MARK2: variants seen among roughly 807,000 people sequenced by gnomAD.
MARK2 encodes the protein serine/threonine-protein kinase MARK2.
In MARK2, 16 loss-of-function variants were observed where a neutral mutation model predicts 89.8. The observed-to-expected ratio is 0.18, with a 90% CI of 0.12 to 0.27. The LOEUF (loss-of-function observed/expected upper bound fraction) is 0.27, where lower values mean the gene tolerates loss of function less well. Among genes scored for constraint, MARK2 ranks in the 10% least tolerant of loss-of-function variants. The pLI, the probability that MARK2 is intolerant of heterozygous loss-of-function variation, is 1.00. For synonymous variants in MARK2, 382 were observed against 399.5 expected, an observed-to-expected ratio of 0.96 and a Z score of 0.52; for missense variants, 621 against 1,049.9, an observed-to-expected ratio of 0.59 and a Z score of 5.65.
chr11:63,907,043 C>T (rs1184442788), intron 17 of MARK2, among the ~76,000 whole-genome samples: 1 of 152,108 alleles, frequency 6.6e-6, no homozygotes, highest in Non-Finnish European at 1.5e-5. Flanking sequence ...GCTCTTTCAC[C>T]CCTGGCCTTA....
chr11:63,847,064 A>G (rs2016322990), intron 1 of MARK2, among the ~76,000 whole-genome samples: 4 of 152,218 alleles, frequency 2.6e-5, no homozygotes, highest in Non-Finnish European at 5.9e-5. Context: ...TTGAGGCTGC[A>G]GTGAGCTGTG....
At chr11:63,893,514 G>T (rs1940093665) in intron 1 of MARK2, among the ~76,000 whole-genome samples, 1 of 151,702 alleles carries the variant, frequency 6.6e-6, no homozygotes, top group Non-Finnish European at 1.5e-5. Context: ...TGTGAACCTT[G>T]GTTACAGGTT....
chr11:63,883,664 C>T (rs986503718), intron 1 of MARK2, among the ~76,000 whole-genome samples: 1 of 152,088 alleles, frequency 6.6e-6, no homozygotes, highest in Non-Finnish European at 1.5e-5. Flanking sequence ...ACTGCAGCCT[C>T]AGCCTACCTC....
intron 3 of MARK2, among the ~76,000 whole-genome samples, chr11:63,897,984 G>A (rs1484959199): frequency 6.6e-6 from 1 of 152,178 alleles, no homozygotes; most frequent in Non-Finnish European, 1.5e-5. Context: ...TTTGGTAGAC[G>A]CAGCAGAGGG....
At chr11:63,908,401 C>G (rs1224705483) in intron 18 of MARK2, 97 bp downstream of exon 18, 2 of 1,046,310 alleles carry the variant, frequency 1.9e-6, no homozygotes, top group African/African-American at 3.2e-5. Flanking sequence ...CTCTTCCTCC[C>G]GTGGTTCTGC....
chr11:63,861,236 C>A (rs994395083), intron 1 of MARK2, among the ~76,000 whole-genome samples: 2 of 152,078 alleles, frequency 1.3e-5, no homozygotes, highest in East Asian at 3.9e-4. Flanking sequence ...GAGTTCAAGA[C>A]CAGCCTGGCC....
intron 11 of MARK2, among the ~76,000 whole-genome samples, chr11:63,901,274 G>A (rs1053595580): frequency 3.3e-5 from 5 of 152,122 alleles, no homozygotes; most frequent in African/African-American, 9.7e-5. Flanking sequence ...TGGTAGGGTC[G>A]GTGTGGGACT....
At chr11:63,842,103 T>G (rs1185529136) in intron 1 of MARK2, among the ~76,000 whole-genome samples, 1 of 152,212 alleles carries the variant, frequency 6.6e-6, no homozygotes, top group Non-Finnish European at 1.5e-5. Flanking sequence ...TACCTTCTAC[T>G]GTTGTTCTCA....
rs1371767519 is a variant in MARK2, at chr11:63,909,282, GGCTGCCGGCC to G, written c.*51_*60del. 6.6e-7 allele frequency: 1 copy of G among 1,511,712 alleles called. No homozygotes were observed. The highest frequency in any genetic ancestry group is 8.9e-7 in the Non-Finnish European group (1 of 1,126,824). 93.6% of individuals were successfully genotyped at this position (1,511,712 alleles called of 1,614,324 possible). A position where few individuals can be genotyped will look rare whatever the true frequency, so the allele number is the denominator to read the frequency against. ...GCGGCGGGGGCGGGCCAGCTGGACG[GGCTGCCGGCC>G]GCTGCGCCGCCCCACCTGGGCGAGA... On this transcript the variant is annotated 3_prime_UTR_variant, in exon 19 of 19. Transcript: ENST00000402010.
intron 1 of MARK2, among the ~76,000 whole-genome samples, chr11:63,874,162 G>A (rs1048426856): frequency 6.6e-6 from 1 of 152,160 alleles, no homozygotes; most frequent in South Asian, 2.1e-4. Flanking sequence ...TTGACCCTCT[G>A]GTTAGAGAGG....
chr11:63,865,857 T>C (rs954487717), intron 1 of MARK2, among the ~76,000 whole-genome samples: 1 of 152,170 alleles, frequency 6.6e-6, no homozygotes, highest in Non-Finnish European at 1.5e-5. Flanking sequence ...GATTTCCCTT[T>C]ATTAAGCTCA....
chr11:63,849,811 T>G (rs2016474920), intron 1 of MARK2, among the ~76,000 whole-genome samples: 1 of 152,188 alleles, frequency 6.6e-6, no homozygotes, highest in South Asian at 2.1e-4. Context: ...TCCTGGATCA[T>G]CCTCTCCTGT....
At chr11:63,863,084 G>A (rs779267818) in intron 1 of MARK2, among the ~76,000 whole-genome samples, 1 of 152,184 alleles carries the variant, frequency 6.6e-6, no homozygotes, top group Non-Finnish European at 1.5e-5. Context: ...GGACTTGCCA[G>A]TTCAGTCCTG....
At chr11:63,863,449 AC>A (rs1425804477) in intron 1 of MARK2, among the ~76,000 whole-genome samples, 9 of 49,272 alleles carry the variant, frequency 1.8e-4, no homozygotes, top group East Asian at 1.0e-3. Context: ...GCCCTCCCCC[AC>A]CCCCCCACCC....
At chr11:63,851,665 C>T (rs951782539) in intron 1 of MARK2, among the ~76,000 whole-genome samples, 2 of 152,120 alleles carry the variant, frequency 1.3e-5, no homozygotes, top group East Asian at 1.9e-4. Flanking sequence ...TTTTGATCTC[C>T]GTCTGAGATC....
chr11:63,885,991 T>C (rs1017544093), intron 1 of MARK2, among the ~76,000 whole-genome samples: 2 of 151,714 alleles, frequency 1.3e-5, no homozygotes, highest in Non-Finnish European at 2.9e-5. Flanking sequence ...TAGCTGAGTG[T>C]GGTGGCGGGC....
chr11:63,879,823 C>A (rs1285519024), intron 1 of MARK2, among the ~76,000 whole-genome samples: 1 of 152,094 alleles, frequency 6.6e-6, no homozygotes, highest in Admixed American at 6.6e-5. Context: ...CAAACTTTGT[C>A]CCAGTATTTT....
rs766475126 is a variant in MARK2 at position 63,898,806 on chromosome 11, A to G, written c.447A>G (p.Glu149=). The G allele has an allele frequency of 6.2e-7, 1 of 1,614,134 alleles. No individual in the cohort carries two copies. The highest frequency in any genetic ancestry group is 1.7e-5 in the Admixed American group (1 of 60,024). ...TAGTGGCTCATGGCAGGATGAAAGA[A>G]AAAGAGGCTCGAGCCAAATTCCGCC... The part of the protein sequence containing the change: ...DYLVAHGRMK[E]KEARAKFRQI... Residue 149 remains glutamate, a synonymous_variant, in exon 6 of 19, where the codon GAA becomes GAG. Coordinates refer to ENST00000402010, the MANE Select transcript of MARK2 (RefSeq NM_001039469.3).
chr11:63,862,116 G>A (rs919654950), intron 1 of MARK2, among the ~76,000 whole-genome samples: 2 of 151,492 alleles, frequency 1.3e-5, no homozygotes, highest in Admixed American at 6.6e-5. Context: ...GTAGAGATGC[G>A]GTTTTACCGT....
Sources: allele counts gnomAD v4.1 joint callset (sites outside exome capture counted in the v4.1 genomes callset), GRCh38; gene constraint gnomAD v4.1.1; transcripts MANE v1.5; gene names NCBI Gene and HGNC (gene_info 2026-07-23, HGNC 2026-07-21).